The following IDE variants were observed in gnomAD, a reference collection of about 807,000 sequenced individuals.
IDE encodes insulin degrading enzyme.
In IDE, 58 loss-of-function variants were observed where a neutral mutation model predicts 133.2. That is an observed-to-expected ratio of 0.44 (90% CI 0.35 to 0.54). The LOEUF (loss-of-function observed/expected upper bound fraction) is 0.54, where lower values mean the gene tolerates loss of function less well. IDE is among the 20% of genes least tolerant of loss of function. The probability of loss-of-function intolerance (pLI) is 0.00; values close to 1 mark genes in which losing one functional copy is unlikely to be tolerated. For synonymous variants in IDE, 396 were observed against 421.3 expected, an observed-to-expected ratio of 0.94 and a Z score of 0.73; for missense variants, 981 against 1,234.0, an observed-to-expected ratio of 0.79 and a Z score of 3.07.
chr10:92,485,054 A>T (rs1846887681), intron 13 of IDE, among the ~76,000 whole-genome samples: 2 of 151,702 alleles, frequency 1.3e-5, no homozygotes, highest in South Asian at 2.1e-4. Context: ...CGAGTCTTTT[A>T]AAAAAAGGAA....
At chr10:92,488,552 C>T (rs560021249) in intron 12 of IDE, among the ~76,000 whole-genome samples, 3 of 152,120 alleles carry the variant, frequency 2.0e-5, no homozygotes, top group East Asian at 3.9e-4. Flanking sequence ...CCAAGATGTG[C>T]AGATCACGAG....
chr10:92,457,211 G>A (rs866453815), intron 22 of IDE, among the ~76,000 whole-genome samples: 8 of 152,136 alleles, frequency 5.3e-5, no homozygotes, highest in East Asian at 3.8e-4. Context: ...GGACAAGCAC[G>A]AGTGCCTGCT....
At chr10:92,555,061 A>G (rs1486348893) in intron 1 of IDE, 1 of 152,346 alleles carries the variant, frequency 6.6e-6, no homozygotes, top group East Asian at 1.9e-4. Flanking sequence ...ATGGAAGACA[A>G]GCAAACAATG....
At chr10:92,489,150 GC>G (rs1847199485) in intron 12 of IDE, among the ~76,000 whole-genome samples, 1 of 152,082 alleles carries the variant, frequency 6.6e-6, no homozygotes, top group Non-Finnish European at 1.5e-5. Context: ...GGGGACGTTG[GC>G]CATATTTCTT....
chr10:92,531,513 T>C (rs1043489799), intron 4 of IDE, among the ~76,000 whole-genome samples: 3 of 152,222 alleles, frequency 2.0e-5, no homozygotes, highest in Non-Finnish European at 4.4e-5. Flanking sequence ...TAATATCTAT[T>C]CACAACTCTA....
At chr10:92,488,899 T>G (rs1192205681) in intron 12 of IDE, among the ~76,000 whole-genome samples, 1 of 148,424 alleles carries the variant, frequency 6.7e-6, no homozygotes, top group Non-Finnish European at 1.5e-5. Flanking sequence ...GGCCACTGAT[T>G]GTTGAACCTA....
intron 1 of IDE, among the ~76,000 whole-genome samples, chr10:92,551,744 TCA>T (rs1431631362): frequency 2.0e-5 from 3 of 152,026 alleles, no homozygotes; most frequent in African/African-American, 7.3e-5. Flanking sequence ...GTACAGAGTT[TCA>T]GTTTGGTGAG....
At position 92,511,636 on chromosome 10, in the gene IDE, G is replaced by A. The variant is rs1436183430; in HGVS notation, c.785-1474C>T. ...TTTATATGGTGTAAAATTCTCTTTT[G>A]TGCCTTTAAGTGTAGGCATTTGCAT... On this transcript the variant is annotated intron_variant, in intron 5 of 24. Coordinates refer to ENST00000265986, the MANE Select transcript of IDE (RefSeq NM_004969.4). Among the ~76,000 whole-genome samples the A allele has an allele frequency of 5.3e-5, 8 of 152,122 alleles. No individual in the cohort carries two copies. In the East Asian group the frequency reaches 1.2e-3, roughly 22 times the overall value.
At position 92,510,034 on chromosome 10, in the gene IDE, A is replaced by G; in HGVS notation, c.897+16T>C. On this transcript the variant is annotated intron_variant, in intron 6 of 24. Coordinates refer to ENST00000265986, the MANE Select transcript of IDE (RefSeq NM_004969.4). ...CATAAATTAAGAAGACAAAATACCA[A>G]AATTTATGCACTTACTTTAAGATGT... The G allele has an allele frequency of 7.4e-7, 1 of 1,350,628 alleles. No individual in the cohort carries two copies. The highest frequency in any genetic ancestry group is 1.1e-6 in the Non-Finnish European group (1 of 951,286). The allele number at this position is 1,350,628 out of a possible 1,614,324, so 83.7% of individuals were successfully genotyped here. A position where few individuals can be genotyped will look rare whatever the true frequency, so the allele number is the denominator to read the frequency against.
rs1564648000 is a variant in IDE at position 92,524,447 on chromosome 10, T to TTATATAA, written c.661+7300_661+7301insTTATATA. On this transcript the variant is annotated intron_variant, in intron 4 of 24. Transcript: ENST00000265986. ...TATAATATATTTTATATAATATATT[T>TTATATAA]TATATATTATATATTTTATATAATA... Among the ~76,000 whole-genome samples, 74 of 10,726 alleles carry TTATATAA rather than the reference T, an allele frequency of 6.9e-3. 15 individuals carry two copies. The highest frequency in any genetic ancestry group is 0.032 in the African/African-American group (73 of 2,284). 7.0% of individuals were successfully genotyped at this position (10,726 alleles called of 152,430 possible).
chr10:92,524,345 T>TA (rs1849413438), intron 4 of IDE, among the ~76,000 whole-genome samples: 1 of 40,372 alleles, frequency 2.5e-5, no homozygotes, highest in South Asian at 7.6e-4. Flanking sequence ...TATTATATTA[T>TA]ATATAATATA....
chr10:92,504,529 T>A (rs1211254163), intron 11 of IDE, among the ~76,000 whole-genome samples: 1 of 152,174 alleles, frequency 6.6e-6, no homozygotes, highest in Non-Finnish European at 1.5e-5. Context: ...TATTTGTTTT[T>A]AAAAATGTCC....
At chr10:92,560,586 G>C (rs776467528) in intron 1 of IDE, among the ~76,000 whole-genome samples, 1 of 151,158 alleles carries the variant, frequency 6.6e-6, no homozygotes, top group African/African-American at 2.4e-5. Flanking sequence ...AGTTCAAGAC[G>C]AGCCTGTTCA....
chr10:92,493,070 G>A (rs913581641), intron 11 of IDE, among the ~76,000 whole-genome samples: 2 of 152,216 alleles, frequency 1.3e-5, no homozygotes, highest in East Asian at 1.9e-4. Flanking sequence ...AGAGGAATCA[G>A]AGGATTTGAC....
chr10:92,459,861 G>A (rs533367906), intron 22 of IDE, among the ~76,000 whole-genome samples: 9 of 125,688 alleles, frequency 7.2e-5, no homozygotes, highest in Admixed American at 2.0e-4. Context: ...ACAGAGTCTC[G>A]CACTGTCGCC....
chr10:92,563,873 T>C (rs1242903725), intron 1 of IDE, among the ~76,000 whole-genome samples: 1 of 152,164 alleles, frequency 6.6e-6, no homozygotes, highest in Non-Finnish European at 1.5e-5. Context: ...TTTGTCAAAG[T>C]CTCACAAAGG....
At position 92,455,596 on chromosome 10, in the gene IDE, G is replaced by C. The variant is rs188614842; in HGVS notation, c.2944C>G (p.Gln982Glu). Residue 982 changes from glutamine (Q) to glutamate (E), a missense_variant, in exon 24 of 25, where the codon CAA becomes GAA. By Grantham distance (29) the Gln-to-Glu change is conservative (BLOSUM62 2). Transcript: ENST00000265986. ...FPCQNDINLS[Q>E]APALPQPEVI... is the part of the protein sequence containing the mutation. ...CTTACTTGTGGCAAGGCTGGTGCTT[G>C]TGACAAATTTATGTCATTTTGACAT... 10 of 1,598,758 alleles carry C rather than the reference G, an allele frequency of 6.3e-6. No homozygotes were observed. The African/African-American group carries it at 8.0e-5, about 13-fold the overall frequency.
At position 92,552,857 on chromosome 10, in the gene IDE, C is replaced by CAAAAAAAAAAAAAAA. The variant is rs71028827; in HGVS notation, c.99-15322_99-15308dup. Among the ~76,000 whole-genome samples, 98 of 49,370 alleles carry CAAAAAAAAAAAAAAA rather than the reference C, an allele frequency of 2.0e-3. 11 individuals carry two copies. The highest frequency in any genetic ancestry group is 9.4e-3 in the African/African-American group (88 of 9,334). 32.4% of individuals were successfully genotyped at this position (49,370 alleles called of 152,430 possible). On this transcript the variant is annotated intron_variant, in intron 1 of 24. Transcript: ENST00000265986. ...TGGGTGACAGAGTAAGACTCAGTCT[C>CAAAAAAAAAAAAAAA]AAAAAAAAAAAAAAAAAAAAATTAT...
chr10:92,490,520 T>A lies in IDE; in HGVS notation c.1506A>T (p.Gln502His), dbSNP rs1300200992. 6.2e-7 allele frequency: 1 copy of A among 1,610,678 alleles called. No homozygotes were observed. ...TGATGACTTCATCCGGTATAGCTTC[T>A]TGTTTGTACTGGGTTCCATACCACT... ...TEEWYGTQYK[Q>H]EAIPDEVIKK... Residue 502 changes from glutamine to histidine, a missense_variant, in exon 12 of 25, where the codon CAA (glutamine) becomes CAT (histidine). By Grantham distance (24) the Gln-to-His change is conservative. Coordinates refer to ENST00000265986, the MANE Select transcript of IDE (RefSeq NM_004969.4).
Sources: allele counts gnomAD v4.1 joint callset (sites outside exome capture counted in the v4.1 genomes callset), GRCh38; gene constraint gnomAD v4.1.1; transcripts MANE v1.5; gene names NCBI Gene and HGNC (gene_info 2026-07-23, HGNC 2026-07-21).